The following CDH10 variants were observed in gnomAD, a reference collection of about 807,000 sequenced individuals.
CDH10 encodes cadherin 10.
In CDH10, 30 loss-of-function variants were observed where a neutral mutation model predicts 73.1. The ratio of observed to expected loss-of-function variants is 0.41; its 90% CI spans 0.31 to 0.56. CDH10 has a LOEUF of 0.56. CDH10 is among the 20% of genes least tolerant of loss of function. CDH10 has a pLI of 0.27. For missense variants in CDH10, 815 were observed against 973.7 expected (o/e 0.84, Z 2.17); for synonymous variants, 345 against 348.2 (o/e 0.99, Z 0.10).
intron 5 of CDH10, among the ~76,000 whole-genome samples, chr5:24,518,284 T>TA (rs754743013): frequency 2.0e-5 from 3 of 152,006 alleles, no homozygotes; most frequent in Non-Finnish European, 4.4e-5. Context: ...ATTTAGCTCA[T>TA]AAAGCCAAAA....
At position 24,487,755 on chromosome 5, in the gene CDH10, C is replaced by T. The variant is rs750953239; in HGVS notation, c.2275G>A (p.Asp759Asn). ...TCTCGGAGGTAATCGTAGTTTTGGT[C>T]TCCTTCAGTAGTACCTGATTCTAAT... is the stretch of plus-strand genomic sequence containing the variant. Reference protein sequence around the residue: ...SSLESGTTEGDQNYDYLREWG... With the variant: ...SSLESGTTEGNQNYDYLREWG... Residue 759 changes from aspartate (D) to asparagine (N), a missense_variant, in exon 12 of 12, where the codon GAC becomes AAC. Physicochemically the swap from Asp to Asn is conservative, Grantham distance 23. This residue lies in a region of CDH10 where 241 missense variants were observed against 240.3 expected (regional missense o/e 1.00). Coordinates refer to ENST00000264463, the MANE Select transcript of CDH10 (RefSeq NM_006727.5). 1.2e-6 allele frequency: 2 copies of T among 1,613,626 alleles called. No individual in the cohort carries two copies. Among genetic ancestry groups the T allele is most frequent in the African/African-American group, 2.7e-5 (2 of 74,808 alleles).
Position 24,487,680 on chromosome 5 carries a change from T to G in CDH10, c.2350A>C (p.Ser784Arg), listed in dbSNP as rs769681525. The G allele has an allele frequency of 1.5e-5, 24 of 1,611,962 alleles. No individual in the cohort carries two copies. The change falls in exon 12 of 12, where the codon AGT becomes CGT. Residue 784 changes from serine (S) to arginine (R), a missense_variant. Coordinates refer to ENST00000264463, the MANE Select transcript of CDH10 (RefSeq NM_006727.5). ...ATCCTACGTTAAGAGTCTTTGTCAC[T>G]TTCCCCACCACCATACATTTCTGCT... The part of the protein sequence containing the change: ...KLAEMYGGGE[S>R]DKDS
chr5:24,504,740 G>A (rs1233624929), intron 8 of CDH10, among the ~76,000 whole-genome samples: 2 of 151,566 alleles, frequency 1.3e-5, no homozygotes, highest in Non-Finnish European at 2.9e-5. Context: ...TAGCCAGGAT[G>A]GTCTGGATCT....
chr5:24,539,316 T>C (rs1017504665), intron 2 of CDH10, among the ~76,000 whole-genome samples: 1 of 152,064 alleles, frequency 6.6e-6, no homozygotes, highest in East Asian at 1.9e-4. Flanking sequence ...AAGAAGACTT[T>C]TGTTTATTTA....
intron 1 of CDH10, among the ~76,000 whole-genome samples, chr5:24,603,531 A>G (rs550762185): frequency 1.3e-5 from 2 of 152,196 alleles, no homozygotes; most frequent in East Asian, 3.9e-4. Context: ...TCAAATGCCA[A>G]TCATTGTTGT....
At chr5:24,511,257 A>G in intron 6 of CDH10, 70 bp downstream of exon 6, 1 of 887,944 alleles carries the variant, frequency 1.1e-6, no homozygotes, top group Non-Finnish European at 1.8e-6. Flanking sequence ...ATCATTCATG[A>G]GCGAAGAGTA....
chr5:24,583,049 ATATTAG>A (rs953569466), intron 2 of CDH10, among the ~76,000 whole-genome samples: 9 of 146,728 alleles, frequency 6.1e-5, no homozygotes, highest in African/African-American at 2.0e-4. Context: ...TCATATTGCT[ATATTAG>A]TAATTTTTTT....
chr5:24,586,457 G>A, intron 2 of CDH10, among the ~76,000 whole-genome samples: 1 of 17,194 alleles, frequency 5.8e-5, no homozygotes, highest in Admixed American at 4.7e-4. Context: ...TTTTTTTTTT[G>A]AGACGGAGTT....
chr5:24,580,590 C>A (rs1745763541), intron 2 of CDH10, among the ~76,000 whole-genome samples: 1 of 152,128 alleles, frequency 6.6e-6, no homozygotes, highest in Admixed American at 6.5e-5. Flanking sequence ...ATAATATCAA[C>A]CTTCTGCTAA....
chr5:24,515,256 A>G (rs1743064655), intron 5 of CDH10, among the ~76,000 whole-genome samples: 1 of 152,186 alleles, frequency 6.6e-6, no homozygotes, highest in African/African-American at 2.4e-5. Flanking sequence ...AAAATCAAGT[A>G]TGTTTTAAAA....
chr5:24,504,727 T>G (rs1477970068), intron 8 of CDH10, among the ~76,000 whole-genome samples: 3 of 151,878 alleles, frequency 2.0e-5, no homozygotes, highest in Admixed American at 2.0e-4. Context: ...GGTTTCACTG[T>G]GTTAGCCAGG....
chr5:24,572,386 C>A (rs1745416345), intron 2 of CDH10, among the ~76,000 whole-genome samples: 1 of 151,964 alleles, frequency 6.6e-6, no homozygotes, highest in South Asian at 2.1e-4. Context: ...TTTGAAGAAA[C>A]CAAGAGATAG....
chr5:24,508,875 A>G (rs1294753310), intron 7 of CDH10, among the ~76,000 whole-genome samples: 1 of 152,150 alleles, frequency 6.6e-6, no homozygotes, highest in East Asian at 1.9e-4. Flanking sequence ...TAATAACTTG[A>G]AAGCACAAAT....
intron 3 of CDH10, 47 bp from the exon 4 acceptor site, chr5:24,535,869 G>A (rs2111884772): frequency 6.9e-7 from 1 of 1,442,068 alleles, no homozygotes; most frequent in Non-Finnish European, 9.3e-7. Context: ...CCAGAAGGAG[G>A]AGCAAAAGCA....
At chr5:24,611,412 T>C (rs1746946547) in intron 1 of CDH10, among the ~76,000 whole-genome samples, 1 of 151,996 alleles carries the variant, frequency 6.6e-6, no homozygotes, top group Admixed American at 6.6e-5. Flanking sequence ...GGAGACTCTA[T>C]CTCTATTAAA....
At chr5:24,504,627 G>A (rs1047216108) in intron 8 of CDH10, among the ~76,000 whole-genome samples, 4 of 144,240 alleles carry the variant, frequency 2.8e-5, no homozygotes, top group Non-Finnish European at 6.0e-5. Flanking sequence ...CCAGGTTCAC[G>A]CCATTCTCCT....
At chr5:24,497,466 T>C (rs563232363) in intron 9 of CDH10, among the ~76,000 whole-genome samples, 7 of 151,960 alleles carry the variant, frequency 4.6e-5, no homozygotes, top group Admixed American at 3.3e-4. Flanking sequence ...ATTTTCAAGT[T>C]AAAAAAAATG....
At chr5:24,627,809 T>A (rs1037548267) in intron 1 of CDH10, among the ~76,000 whole-genome samples, 1 of 151,828 alleles carries the variant, frequency 6.6e-6, no homozygotes, top group Non-Finnish European at 1.5e-5. Flanking sequence ...TCAGTATTAG[T>A]GAAAGCACAA....
intron 1 of CDH10, among the ~76,000 whole-genome samples, chr5:24,616,017 A>G: frequency 6.6e-6 from 1 of 152,112 alleles, no homozygotes; most frequent in East Asian, 1.9e-4. Context: ...CATATAAATT[A>G]TAGCCATATT....
Sources: gnomAD v4.1 joint callset for allele counts (sites outside exome capture counted in the v4.1 genomes callset) on GRCh38, gnomAD v4.1.1 for gene constraint, gnomAD v4.1.1 regional missense constraint, MANE v1.5 for transcripts, NCBI Gene and HGNC (gene_info 2026-07-23, HGNC 2026-07-21) for gene names.